PTPN3: variants seen among roughly 807,000 people sequenced by gnomAD.
PTPN3 encodes tyrosine-protein phosphatase non-receptor type 3.
PTPN3 carries 96 observed loss-of-function variants against 132.7 expected under a neutral mutation model. The ratio of observed to expected loss-of-function variants is 0.72; its 90% CI spans 0.61 to 0.86. PTPN3 has a LOEUF of 0.86. Among genes scored for constraint, PTPN3 ranks in the 40% least tolerant of loss-of-function variants. PTPN3 has a pLI of 0.00. For missense variants in PTPN3, 1,125 were observed against 1,159.6 expected (o/e 0.97, Z 0.43); for synonymous variants, 398 against 429.0 (o/e 0.93, Z 0.89).
Position 109,385,235 on chromosome 9 carries a change from G to A in PTPN3, c.2254-1684C>T, listed in dbSNP as rs550464191. Among the ~76,000 whole-genome samples the A allele has an allele frequency of 2.0e-5, 3 of 152,332 alleles. No homozygotes were observed. In the South Asian group the frequency reaches 6.2e-4, roughly 32 times the overall value. ...TGGATCTGGAAAAACTGGTGGTGTA[G>A]TGGAAAGAACAAGTCTGTGGAGATC... On this transcript the variant is annotated intron_variant, in intron 22 of 25. Coordinates refer to ENST00000374541, the MANE Select transcript of PTPN3 (RefSeq NM_002829.4).
the PTPN3 span, chr9:109,533,357 G>A: frequency 1.2e-5 from 7 of 572,886 alleles, no homozygotes; most frequent in African/African-American, 1.3e-4. Context: ...TGTTAGCCAG[G>A]ATGGTCTCGA....
chr9:109,527,918 G>A, the PTPN3 span, among the ~76,000 whole-genome samples: 1 of 152,034 alleles, frequency 6.6e-6, no homozygotes, highest in Non-Finnish European at 1.5e-5. Context: ...AAATCATTAG[G>A]AATACCATCT....
the PTPN3 span, among the ~76,000 whole-genome samples, chr9:109,532,281 T>G: frequency 6.6e-6 from 1 of 152,208 alleles, no homozygotes; most frequent in South Asian, 2.1e-4. Context: ...ATTTGATAGA[T>G]TCTTAATGGT....
At chr9:109,519,873 G>A in the PTPN3 span, among the ~76,000 whole-genome samples, 1 of 152,148 alleles carries the variant, frequency 6.6e-6, no homozygotes, top group African/African-American at 2.4e-5. Flanking sequence ...ATTAAGAAAT[G>A]CATCCAAGGG....
At chr9:109,381,891 G>T in intron 24 of PTPN3, 104 bp from the exon 25 acceptor site, 1 of 1,414,584 alleles carries the variant, frequency 7.1e-7, no homozygotes, top group Non-Finnish European at 9.8e-7. Flanking sequence ...TCCTCCCTTG[G>T]CCTTCGAGAA....
Position 109,380,145 on chromosome 9 carries a change from A to G in PTPN3, c.2665-512T>C, listed in dbSNP as rs138455750. On this transcript the variant is annotated intron_variant, in intron 25 of 25. Coordinates refer to ENST00000374541, the MANE Select transcript of PTPN3 (RefSeq NM_002829.4). ...CAGTTATTTATCTTAGCAAATACCT[A>G]AGAAACATATTGTAGCAAAGTATAC... 4.4e-3 allele frequency among the ~76,000 whole-genome samples: 663 copies of G among 152,344 alleles called. 5 individuals carry two copies. The highest frequency in any genetic ancestry group is 0.015 in the African/African-American group (630 of 41,572).
At chr9:109,524,723 A>G in the PTPN3 span, among the ~76,000 whole-genome samples, 37 of 152,128 alleles carry the variant, frequency 2.4e-4, no homozygotes, top group African/African-American at 8.9e-4. Context: ...TGATAGCTAT[A>G]TAGTTTTTTG....
chr9:109,476,262 C>G (rs1010844290), intron 1 of PTPN3, among the ~76,000 whole-genome samples: 4 of 151,776 alleles, frequency 2.6e-5, no homozygotes, highest in Admixed American at 1.3e-4. Context: ...TAATGAAACT[C>G]TTTAAAAAGA....
chr9:109,443,702 G>A (rs1269451048), intron 7 of PTPN3, among the ~76,000 whole-genome samples: 2 of 152,154 alleles, frequency 1.3e-5, no homozygotes, highest in African/African-American at 2.4e-5. Context: ...TGGTGACCAT[G>A]CCACTTCCCA....
chr9:109,439,881 C>T (rs1421607637), intron 7 of PTPN3, among the ~76,000 whole-genome samples: 2 of 151,778 alleles, frequency 1.3e-5, no homozygotes, highest in Non-Finnish European at 2.9e-5. Context: ...TGTACTCCAG[C>T]CTGGGTGACA....
At position 109,422,706 on chromosome 9, in the gene PTPN3, A is replaced by AT; in HGVS notation, c.1136+11_1136+12insA. On this transcript the variant is annotated intron_variant, in intron 13 of 25. Transcript: ENST00000374541. The stretch of plus-strand genomic sequence containing the variant: ...GTTGGGTAGTACAAAAAAAAAAAAA[A>AT]GGAGGACATACCAGTTGGGAGTAAT... The AT allele has an allele frequency of 6.4e-7, 1 of 1,573,462 alleles. No homozygotes were observed. The highest frequency in any genetic ancestry group is 8.6e-7 in the Non-Finnish European group (1 of 1,163,562).
upstream of PTPN3, among the ~76,000 whole-genome samples, chr9:109,501,455 C>T (rs918697615): frequency 5.9e-5 from 9 of 152,134 alleles, no homozygotes; most frequent in Non-Finnish European, 1.2e-4. Flanking sequence ...ATTTTCTCTA[C>T]CCTTTGATGT....
the PTPN3 span, among the ~76,000 whole-genome samples, chr9:109,523,933 A>G: frequency 1.3e-5 from 2 of 152,066 alleles, no homozygotes; most frequent in Non-Finnish European, 2.9e-5. Context: ...TTCAGTGGAT[A>G]ACTACTTGGT....
At chr9:109,454,460 T>G in intron 5 of PTPN3, 36 bp downstream of exon 5, 1 of 1,542,276 alleles carries the variant, frequency 6.5e-7, no homozygotes, top group Non-Finnish European at 8.9e-7. Flanking sequence ...CTCATTTTTA[T>G]ACACTAAACA....
the PTPN3 span, among the ~76,000 whole-genome samples, chr9:109,524,899 G>A: frequency 6.6e-6 from 1 of 151,864 alleles, no homozygotes; most frequent in African/African-American, 2.4e-5. Flanking sequence ...TACCACAGCT[G>A]GCTAATTTTT....
chr9:109,427,608 C>G (rs1188111383), intron 11 of PTPN3, among the ~76,000 whole-genome samples: 1 of 152,176 alleles, frequency 6.6e-6, no homozygotes, highest in Non-Finnish European at 1.5e-5. Context: ...TAATCATTTG[C>G]TTTGCCTGCA....
chr9:109,488,589 C>A (rs1478611591), intron 1 of PTPN3, among the ~76,000 whole-genome samples: 3 of 152,182 alleles, frequency 2.0e-5, no homozygotes, highest in Non-Finnish European at 4.4e-5. Context: ...TTAAAGTTCA[C>A]ATGACTGGGA....
At chr9:109,500,548 G>C (rs1056360841), upstream of PTPN3, among the ~76,000 whole-genome samples, 2 of 151,312 alleles carry the variant, frequency 1.3e-5, no homozygotes, top group African/African-American at 4.9e-5. Context: ...TGGTATATTA[G>C]TTGAAATAAT....
chr9:109,428,959 G>A (rs1345140819), intron 10 of PTPN3: 4 of 985,308 alleles, frequency 4.1e-6, no homozygotes, highest in East Asian at 1.1e-4. Context: ...TTTGCTATAA[G>A]CTGCTTTTGT....
Sources: gnomAD v4.1 joint callset for allele counts (sites outside exome capture counted in the v4.1 genomes callset) on GRCh38, gnomAD v4.1.1 for gene constraint, MANE v1.5 for transcripts, NCBI Gene and HGNC (gene_info 2026-07-23, HGNC 2026-07-21) for gene names.